EFHC2: variants seen among roughly 807,000 people sequenced by gnomAD.
The protein encoded by EFHC2 is EF-hand domain containing 2, also known as EF-hand domain-containing family member C2.
A neutral mutation model predicts 52.7 loss-of-function variants in EFHC2; 18 were observed. The ratio of observed to expected loss-of-function variants is 0.34; its 90% CI spans 0.24 to 0.51. The LOEUF is 0.51. Among genes scored for constraint, EFHC2 ranks in the 20% least tolerant of loss-of-function variants. EFHC2 has a pLI of 0.97. For missense variants in EFHC2, 513 were observed against 562.5 expected, an observed-to-expected ratio of 0.91 and a Z score of 0.89; for synonymous variants, 203 against 204.1, an observed-to-expected ratio of 0.99 and a Z score of 0.04.
rs995292745 is a variant in EFHC2, at chrX:44,159,787, C to T, written c.2148+4135G>A. Among the ~76,000 whole-genome samples, 5 of 112,677 alleles carry T rather than the reference C, an allele frequency of 4.4e-5. No individual in the cohort carries two copies. In the East Asian group the frequency reaches 8.4e-4, roughly 19 times the overall value. On this transcript the variant is annotated intron_variant, in intron 14 of 14. Coordinates refer to ENST00000420999, the MANE Select transcript of EFHC2 (RefSeq NM_025184.4). Reference sequence around the variant, plus strand: ...TTCCTGGCCTAGAACCATTCTCTTGCCATTAAAGAATAGAATCTCCCATCT... The same window carrying T: ...TTCCTGGCCTAGAACCATTCTCTTGTCATTAAAGAATAGAATCTCCCATCT...
At chrX:44,317,025 G>A (rs769582004) in intron 1 of EFHC2, among the ~76,000 whole-genome samples, 3 of 111,966 alleles carry the variant, frequency 2.7e-5, no homozygotes, top group Non-Finnish European at 5.6e-5. Flanking sequence ...TGAACGAAGG[G>A]GGATGAACAT....
chrX:44,281,759 CTTTAA>C (rs2037703807), intron 2 of EFHC2, among the ~76,000 whole-genome samples: 1 of 111,901 alleles, frequency 8.9e-6, no homozygotes, highest in East Asian at 2.8e-4. Context: ...TATGGCTAAA[CTTTAA>C]TTTTATAAAA....
At chrX:44,277,137 T>C (rs987060917) in intron 2 of EFHC2, among the ~76,000 whole-genome samples, 4 of 108,842 alleles carry the variant, frequency 3.7e-5, no homozygotes, top group East Asian at 2.9e-4. Context: ...CGGGTGCCCG[T>C]AGTCCCAGCT....
intron 2 of EFHC2, among the ~76,000 whole-genome samples, chrX:44,273,183 C>T (rs1386383139): frequency 8.9e-6 from 1 of 112,694 alleles, no homozygotes; most frequent in Non-Finnish European, 1.9e-5. Context: ...TTCTTTCTCA[C>T]AAGATGAATA....
At chrX:44,320,862 C>T (rs1282368015) in intron 1 of EFHC2, among the ~76,000 whole-genome samples, 1 of 110,485 alleles carries the variant, frequency 9.1e-6, no homozygotes, top group Non-Finnish European at 1.9e-5. Context: ...CCTTGCAGGA[C>T]ACCACATTAT....
intron 3 of EFHC2, among the ~76,000 whole-genome samples, chrX:44,262,512 C>CAAAAAAAAAAA (rs749239313): frequency 3.1e-4 from 9 of 29,149 alleles, no homozygotes; most frequent in Non-Finnish European, 4.8e-4. Context: ...AGCCCTGTCT[C>CAAAAAAAAAAA]AAAAAAAAAA....
intron 11 of EFHC2, among the ~76,000 whole-genome samples, chrX:44,229,409 G>A (rs1049574448): frequency 4.5e-5 from 5 of 111,619 alleles, no homozygotes; most frequent in Admixed American, 9.5e-5. Context: ...AAGACAATGT[G>A]ACCAGCTGAC....
At chrX:44,290,574 G>T (rs2037786076) in intron 2 of EFHC2, among the ~76,000 whole-genome samples, 1 of 91,876 alleles carries the variant, frequency 1.1e-5, no homozygotes, top group African/African-American at 3.9e-5. Flanking sequence ...CACAAAATAG[G>T]GTGGGTGGGT....
chrX:44,233,600 A>ATGAT (rs942668715), intron 9 of EFHC2, among the ~76,000 whole-genome samples: 4 of 111,692 alleles, frequency 3.6e-5, no homozygotes, highest in Admixed American at 9.5e-5. Context: ...ACATTCAAAA[A>ATGAT]TGATAGGTGG....
In EFHC2 at chrX:44,201,654, A is replaced by T. The variant is rs545728120; in HGVS notation, c.1752-23090T>A. Among the ~76,000 whole-genome samples, 6 of 111,600 alleles carry T rather than the reference A, an allele frequency of 5.4e-5. No homozygotes were observed. The South Asian group carries it at 2.2e-3, about 42-fold the overall frequency. On this transcript the variant is annotated intron_variant, in intron 11 of 14. Transcript: ENST00000420999. ...GAATAAAATGTATTAGAGGAAGTGA[A>T]TCATTAAAAATCTACCCACTGAAAA...
Position 44,280,030 on chromosome X carries a change from TAC to T in EFHC2, c.232-7196_232-7195del, listed in dbSNP as rs766337222. 5.6e-3 allele frequency among the ~76,000 whole-genome samples: 370 copies of T among 66,617 alleles called. 3 individuals carry two copies. The highest frequency in any genetic ancestry group is 0.011 in the African/African-American group (176 of 16,397). 57.8% of individuals were successfully genotyped at this position (66,617 alleles called of 115,157 possible). ...CGCCACAGACATCCACCATCCCCCA[TAC>T]ACACACACACACACACACACACACA... On this transcript the variant is annotated intron_variant, in intron 2 of 14. Coordinates refer to ENST00000420999, the MANE Select transcript of EFHC2 (RefSeq NM_025184.4).
At chrX:44,185,465 T>C (rs1290331802) in intron 11 of EFHC2, among the ~76,000 whole-genome samples, 1 of 111,664 alleles carries the variant, frequency 9.0e-6, no homozygotes, top group Non-Finnish European at 1.9e-5. Flanking sequence ...TCTAACATCA[T>C]AGCTTTAAAT....
intron 7 of EFHC2, among the ~76,000 whole-genome samples, chrX:44,245,889 G>C (rs569660638): frequency 2.7e-5 from 3 of 111,607 alleles, no homozygotes; most frequent in Non-Finnish European, 5.6e-5. Flanking sequence ...CCAAGGCGGC[G>C]TACTGCGTTA....
At chrX:44,278,572 T>C (rs1410861238) in intron 2 of EFHC2, among the ~76,000 whole-genome samples, 1 of 111,230 alleles carries the variant, frequency 9.0e-6, no homozygotes, top group East Asian at 2.8e-4. Flanking sequence ...CCTTCTTCCA[T>C]CATTCTCCCC....
intron 11 of EFHC2, among the ~76,000 whole-genome samples, chrX:44,191,328 C>T (rs1011355281): frequency 5.4e-5 from 6 of 110,721 alleles, no homozygotes; most frequent in East Asian, 2.8e-4. Context: ...CTCCGCCTCC[C>T]GGGTTTAAGC....
At chrX:44,217,040 T>C (rs2037155705) in intron 11 of EFHC2, among the ~76,000 whole-genome samples, 1 of 111,976 alleles carries the variant, frequency 8.9e-6, no homozygotes, top group Admixed American at 9.5e-5. Flanking sequence ...TCTAATAATA[T>C]GATTTATAAA....
At chrX:44,333,687 C>CT (rs1231344601) in intron 1 of EFHC2, among the ~76,000 whole-genome samples, 1 of 110,261 alleles carries the variant, frequency 9.1e-6, no homozygotes, top group Non-Finnish European at 1.9e-5. Context: ...CCTCTTTTCC[C>CT]TTTCCCACCT....
chrX:44,160,783 A>T, intron 14 of EFHC2, among the ~76,000 whole-genome samples: 1 of 111,025 alleles, frequency 9.0e-6, no homozygotes, highest in Non-Finnish European at 1.9e-5. Flanking sequence ...TTAGTCAGGC[A>T]TGGTGGCGTG....
intron 11 of EFHC2, among the ~76,000 whole-genome samples, chrX:44,228,272 C>G (rs2037247871): frequency 8.9e-6 from 1 of 111,947 alleles, no homozygotes; most frequent in Non-Finnish European, 1.9e-5. Flanking sequence ...ACTTTTCCTC[C>G]TTGGATCGCC....
Sources: gnomAD v4.1 joint callset for allele counts (sites outside exome capture counted in the v4.1 genomes callset) on GRCh38, gnomAD v4.1.1 for gene constraint, MANE v1.5 for transcripts, NCBI Gene and HGNC (gene_info 2026-07-23, HGNC 2026-07-21) for gene names.